MXRA5: variants seen among roughly 807,000 people sequenced by gnomAD.
MXRA5 encodes the protein matrix-remodeling-associated protein 5.
Under a neutral mutation model 112.5 loss-of-function variants are expected in MXRA5, and 41 were observed. That is an observed-to-expected ratio of 0.36 (90% CI 0.28 to 0.47). MXRA5 has a LOEUF of 0.47. Ranked by LOEUF, MXRA5 falls within the 20% of genes least tolerant of loss-of-function variation. The pLI is 0.99. For missense variants in MXRA5, 2,150 were observed against 2,251.0 expected, an observed-to-expected ratio of 0.96 and a Z score of 0.91; for synonymous variants, 862 against 900.8, an observed-to-expected ratio of 0.96 and a Z score of 0.77.
At chrX:3,338,963 TAGA>T (rs1921851556) in intron 2 of MXRA5, among the ~76,000 whole-genome samples, 1 of 80,877 alleles carries the variant, frequency 1.2e-5, no homozygotes, top group Non-Finnish European at 3.0e-5. Flanking sequence ...GATAGTTAGA[TAGA>T]TAGATAGATA....
At position 3,322,671 on chromosome X, in the gene MXRA5, G is replaced by A. The variant is rs770967160; in HGVS notation, c.3014C>T (p.Pro1005Leu). 1.7e-6 allele frequency: 2 copies of A among 1,211,456 alleles called. No homozygotes were observed. Among genetic ancestry groups the A allele is most frequent in the East Asian group, 3.0e-5 (1 of 33,831 alleles). Residue 1005 changes from proline to leucine, a missense_variant, in exon 5 of 7, where the codon CCC (proline) becomes CTC (leucine). Pro to Leu is a moderately conservative substitution (Grantham distance 98). Transcript: ENST00000217939. Reference protein sequence around the residue: ...EDTFAHLTPTPTIWVNDSSTS... With the variant: ...EDTFAHLTPTLTIWVNDSSTS... ...ACTGGAGTCATTAACCCAGATGGTG[G>A]GGGTTGGAGTAAGGTGTGCAAAGGT...
In MXRA5 at chrX:3,310,760, G is replaced by A. The variant is rs773264166; in HGVS notation, c.7443C>T (p.Pro2481=). The change falls in exon 7 of 7, where the codon CCC becomes CCT. Residue 2481 remains proline, a synonymous_variant. Transcript: ENST00000217939. The part of the protein sequence containing the change: ...IPTPRVLWAF[P]EGVVLPAPYY... The stretch of plus-strand genomic sequence containing the variant: ...ATGGAGCTGGCAGAACCACACCCTC[G>A]GGAAAAGCCCATAACACCCTCGGGG... The A allele has an allele frequency of 1.7e-6, 2 of 1,204,435 alleles. No individual in the cohort carries two copies. The highest frequency in any genetic ancestry group is 2.2e-6 in the Non-Finnish European group (2 of 892,223).
In MXRA5 at chrX:3,330,106, C is replaced by T. The variant is rs768082362; in HGVS notation, c.621G>A (p.Pro207=). 1.4e-5 allele frequency: 17 copies of T among 1,207,838 alleles called. No individual in the cohort carries two copies. The East Asian group carries it at 2.4e-4, about 17-fold the overall frequency. ...TLPASMLRNM[P]LLENLYLQGN... ...CCTGCAAGTAAAGATTCTCCAGAAG[C>T]GGCATGTTCCGAAGCATGCTGGCAG... Residue 207 remains proline, a synonymous_variant, in exon 4 of 7, where the codon CCG becomes CCA. Coordinates refer to ENST00000217939, the MANE Select transcript of MXRA5 (RefSeq NM_015419.4).
intron 2 of MXRA5, among the ~76,000 whole-genome samples, chrX:3,340,638 A>G (rs181725448): frequency 9.9e-5 from 11 of 111,106 alleles, no homozygotes; most frequent in African/African-American, 3.6e-4. Flanking sequence ...CGTTAAAGTC[A>G]ATCTTTATCG....
chrX:3,343,897 A>T, intron 1 of MXRA5, 36 bp from the exon 2 acceptor site: 9 of 1,101,773 alleles, frequency 8.2e-6, no homozygotes, highest in Non-Finnish European at 1.1e-5. Flanking sequence ...GCTTATTCAC[A>T]GGTAGCACCG....
In MXRA5 at chrX:3,310,355, G is replaced by A. The variant is rs151002571; in HGVS notation, c.7848C>T (p.Cys2616=). The stretch of plus-strand genomic sequence containing the variant: ...TGTGGCCAGCGGCATTGCGGGCCAC[G>A]CAGCGGTAGGCCCCGGCGTCCACCG... ...LSSVDAGAYR[C]VARNAAGHTE... The change falls in exon 7 of 7, where the codon TGC becomes TGT. Residue 2616 remains cysteine, a synonymous_variant. Coordinates refer to ENST00000217939, the MANE Select transcript of MXRA5 (RefSeq NM_015419.4). The A allele has an allele frequency of 8.8e-5, 106 of 1,202,439 alleles. No homozygotes were observed. The African/African-American group carries it at 1.7e-3, about 19-fold the overall frequency.
chrX:3,321,907 A>G lies in MXRA5; in HGVS notation c.3778T>C (p.Ser1260Pro). 4 of 1,210,676 alleles carry G rather than the reference A, an allele frequency of 3.3e-6. No homozygotes were observed. The African/African-American group carries it at 6.9e-5, about 21-fold the overall frequency. The stretch of plus-strand genomic sequence containing the variant: ...ATGTTTCTATGTTTATTTTCTGGAG[A>G]AGGGCTGGGCTTGGATCCGGACGCT... ...SRASGSKPSP[S>P]PENKHRNIVT... is the part of the protein sequence containing the mutation. The change falls in exon 5 of 7, where the codon TCT becomes CCT. Residue 1260 changes from serine to proline, a missense_variant. By Grantham distance (74) the Ser-to-Pro change is moderately conservative. Coordinates refer to ENST00000217939, the MANE Select transcript of MXRA5 (RefSeq NM_015419.4).
Position 3,346,506 on chromosome X carries a change from G to T in MXRA5, c.-29+9C>A, listed in dbSNP as rs1183451907. 1 of 754,325 alleles carries T rather than the reference G, an allele frequency of 1.3e-6. No homozygotes were observed. Among genetic ancestry groups the T allele is most frequent in the African/African-American group, 2.3e-5 (1 of 43,905 alleles). 62.2% of individuals were successfully genotyped at this position (754,325 alleles called of 1,213,427 possible). Reference sequence around the variant, plus strand: ...GCCCTGGGGCGCCCTGGCCACCCTGGGTCCTCACCTGTCCTTGGGAAGCCG... The same window carrying T: ...GCCCTGGGGCGCCCTGGCCACCCTGTGTCCTCACCTGTCCTTGGGAAGCCG... On this transcript the variant is annotated intron_variant, in intron 1 of 6. Transcript: ENST00000217939.
At chrX:3,315,298 TAGAC>T (rs201299352) in intron 6 of MXRA5, among the ~76,000 whole-genome samples, 1 of 16,314 alleles carries the variant, frequency 6.1e-5, no homozygotes, top group Non-Finnish European at 1.0e-4. Flanking sequence ...GATGGATGGA[TAGAC>T]AGAAAGACAG....
At chrX:3,330,556 T>A in intron 3 of MXRA5, 88 bp downstream of exon 3, 2 of 1,146,036 alleles carry the variant, frequency 1.7e-6, no homozygotes, top group Non-Finnish European at 2.3e-6. Context: ...GTTTTATTGA[T>A]CATTAAGGAG....
In MXRA5 at chrX:3,321,448, G is replaced by T. The variant is rs768993828; in HGVS notation, c.4237C>A (p.Leu1413Ile). 8.3e-7 allele frequency: 1 copy of T among 1,210,991 alleles called. No homozygotes were observed. The highest frequency in any genetic ancestry group is 1.1e-6 in the Non-Finnish European group (1 of 894,864). The change falls in exon 5 of 7, where the codon CTT becomes ATT. Residue 1413 changes from leucine to isoleucine, a missense_variant. Leu to Ile is a conservative substitution (Grantham distance 5). Coordinates refer to ENST00000217939, the MANE Select transcript of MXRA5 (RefSeq NM_015419.4). ...NLTDPPLLKELEDVDFTSEFL... is the reference protein window; with the variant it reads ...NLTDPPLLKEIEDVDFTSEFL... ...TCGGAAGTGAAATCCACATCCTCAA[G>T]CTCTTTAAGAAGGGGAGGGTCTGTA...
In MXRA5 at chrX:3,309,434, A is replaced by G. The variant is rs781034060; in HGVS notation, c.*282T>C. 3 of 334,864 alleles carry G rather than the reference A, an allele frequency of 9.0e-6. No homozygotes were observed. In the East Asian group the frequency reaches 1.4e-4, roughly 16 times the overall value. The allele number at this position is 334,864 out of a possible 1,213,427, so 27.6% of individuals were successfully genotyped here. A position where few individuals can be genotyped will look rare whatever the true frequency, so the allele number is the denominator to read the frequency against. On this transcript the variant is annotated 3_prime_UTR_variant, in exon 7 of 7. Coordinates refer to ENST00000217939, the MANE Select transcript of MXRA5 (RefSeq NM_015419.4). Reference sequence around the variant, plus strand: ...GAAGGCAGTCGAGTGGCATTTGCAAAAAAAGAAAAATTGCAGTCAGAGCAC... The same window carrying G: ...GAAGGCAGTCGAGTGGCATTTGCAAGAAAAGAAAAATTGCAGTCAGAGCAC...
intron 6 of MXRA5, 81 bp downstream of exon 6, chrX:3,317,022 C>T (rs905880121): frequency 4.1e-6 from 4 of 975,058 alleles, no homozygotes; most frequent in Non-Finnish European, 4.1e-6. Context: ...AACGTGTGTG[C>T]ATATTCATCC....
chrX:3,326,479 A>G (rs1227835174), intron 4 of MXRA5, among the ~76,000 whole-genome samples: 1 of 103,514 alleles, frequency 9.7e-6, no homozygotes, highest in Non-Finnish European at 1.9e-5. Flanking sequence ...TATATAATCA[A>G]TATGTATGTA....
At chrX:3,331,367 G>C (rs1018201391) in intron 2 of MXRA5, among the ~76,000 whole-genome samples, 4 of 112,142 alleles carry the variant, frequency 3.6e-5, no homozygotes, top group African/African-American at 1.3e-4. Context: ...TGCTGTTGTG[G>C]TCAGGAGGCT....
chrX:3,333,302 C>CAAAAAAAAAAAAAAAAAAAAAAAA (rs386416494), intron 2 of MXRA5, among the ~76,000 whole-genome samples: 5 of 14,812 alleles, frequency 3.4e-4, no homozygotes, highest in Non-Finnish European at 4.1e-4. Flanking sequence ...TACCCCATAT[C>CAAAAAAAAAAAAAAAAAAAAAAAA]AAAAAAAAAA....
rs753194728 is a variant in MXRA5, at chrX:3,323,828, A to C, written c.1857T>G (p.Ile619Met). 2 of 1,209,712 alleles carry C rather than the reference A, an allele frequency of 1.7e-6. No homozygotes were observed. Among genetic ancestry groups the C allele is most frequent in the African/African-American group, 3.5e-5 (2 of 57,198 alleles). ...CATGTGATGTGTTAGCCAAATCATT[A>C]ATTATCCTTCTGTTTGGAAGAATCC... ...LSWILPNRRI[I>M]NDLANTSHVY... is the part of the protein sequence containing the mutation. Residue 619 changes from isoleucine to methionine, a missense_variant, in exon 5 of 7, where the codon ATT (isoleucine) becomes ATG (methionine). Ile to Met is a conservative substitution (Grantham distance 10). Transcript: ENST00000217939.
At position 3,317,553 on chromosome X, in the gene MXRA5, G is replaced by A. The variant is rs1234870988; in HGVS notation, c.6128C>T (p.Ala2043Val). The A allele has an allele frequency of 7.4e-6, 9 of 1,208,054 alleles. No individual in the cohort carries two copies. The South Asian group carries it at 1.2e-4, about 17-fold the overall frequency. ...CTGGTGGATAACGGGGGGCAGTGCCGCCACGTGCAGGCGGATGGCCAGGCT... is the reference window on the plus strand; with the variant it reads ...CTGGTGGATAACGGGGGGCAGTGCCACCACGTGCAGGCGGATGGCCAGGCT... ...ADSLAIRLHVAALPPVIHQEK... is the reference protein window; with the variant it reads ...ADSLAIRLHVVALPPVIHQEK... Residue 2043 changes from alanine to valine, a missense_variant, in exon 6 of 7, where the codon GCG (alanine) becomes GTG (valine). Transcript: ENST00000217939.
intron 4 of MXRA5, among the ~76,000 whole-genome samples, chrX:3,329,588 A>G (rs769860763): frequency 2.3e-4 from 22 of 96,428 alleles, no homozygotes; most frequent in Admixed American, 9.0e-4. Context: ...CGTGTCCGTA[A>G]AATAATGACC....
Sources: allele counts gnomAD v4.1 joint callset (sites outside exome capture counted in the v4.1 genomes callset), GRCh38; gene constraint gnomAD v4.1.1; transcripts MANE v1.5; gene names NCBI Gene and HGNC (gene_info 2026-07-23, HGNC 2026-07-21).